The following PLCD4 variants were observed in gnomAD, a reference collection of about 807,000 sequenced individuals.
The protein encoded by PLCD4 is phospholipase C delta 4, also known as 1-phosphatidylinositol 4,5-bisphosphate phosphodiesterase delta-4.
A neutral mutation model predicts 90.2 loss-of-function variants in PLCD4; 63 were observed. That is an observed-to-expected ratio of 0.70 (90% confidence interval 0.57 to 0.86). PLCD4 has a LOEUF of 0.86. Ranked by LOEUF, PLCD4 falls within the 40% of genes least tolerant of loss-of-function variation. The pLI is 0.00. For synonymous variants in PLCD4, 294 were observed against 356.5 expected (o/e 0.82, Z 1.97); for missense variants, 830 against 956.3 (o/e 0.87, Z 1.74).
chr2:218,628,514 T>C (rs1696215181), intron 7 of PLCD4: 2 of 335,218 alleles, frequency 6.0e-6, no homozygotes, highest in Non-Finnish European at 1.1e-5. Flanking sequence ...GATTGTTAAA[T>C]GGAAGGCAAT....
chr2:218,625,212 CAA>C (rs997747957), intron 6 of PLCD4, among the ~76,000 whole-genome samples: 1 of 105,860 alleles, frequency 9.4e-6, no homozygotes, highest in Non-Finnish European at 1.9e-5. Flanking sequence ...GACTCTGTTT[CAA>C]AAAAAAAAAG....
intron 4 of PLCD4, among the ~76,000 whole-genome samples, chr2:218,621,187 C>T (rs1339784134): frequency 2.0e-5 from 3 of 152,218 alleles, no homozygotes; most frequent in South Asian, 2.1e-4. Context: ...CCCACCTTGG[C>T]CTTCCAAAGT....
intron 3 of PLCD4, among the ~76,000 whole-genome samples, chr2:218,618,162 T>C (rs111706374): frequency 1.3e-3 from 199 of 152,340 alleles, no homozygotes; most frequent in African/African-American, 4.6e-3. Flanking sequence ...AATGCTTTAG[T>C]ATAACTGCTT....
At chr2:218,632,006 A>T in intron 9 of PLCD4, 130 bp from the exon 10 acceptor site, 2 of 906,964 alleles carry the variant, frequency 2.2e-6, no homozygotes, top group Non-Finnish European at 3.3e-6. Context: ...TCAAGCAGCT[A>T]ATCTCTTCCC....
chr2:218,634,154 C>T lies in PLCD4; in HGVS notation c.1656C>T (p.Pro552=). ...CTTGGCAGTTAAGCCGTGTGTATCC[C>T]AGCGGCCTGAGGACAGACTCTTCCA... ...HNTWQLSRVY[P]SGLRTDSSNY... The change falls in exon 12 of 16, where the codon CCC becomes CCT. Residue 552 remains proline (P), a synonymous_variant. Transcript: ENST00000450993. This position sits in a 1 kb window ranked among gnomAD's most constrained non-coding sequence, Gnocchi z 4.0. 1 of 1,612,804 alleles carries T rather than the reference C, an allele frequency of 6.2e-7. No homozygotes were observed. Among genetic ancestry groups the T allele is most frequent in the African/African-American group, 1.3e-5 (1 of 75,040 alleles).
At chr2:218,614,484 G>A (rs1175698365) in intron 1 of PLCD4, among the ~76,000 whole-genome samples, 1 of 142,972 alleles carries the variant, frequency 7.0e-6, no homozygotes, top group Non-Finnish European at 1.5e-5. Flanking sequence ...GAGTCTCGCT[G>A]TGTCGCCCAG....
chr2:218,627,929 G>A (rs1209784976), intron 6 of PLCD4, 100 bp from the exon 7 acceptor site: 3 of 1,118,114 alleles, frequency 2.7e-6, no homozygotes, highest in Non-Finnish European at 3.8e-6. Flanking sequence ...CATCTGAAAG[G>A]CAGGGCTCTG....
intron 3 of PLCD4, among the ~76,000 whole-genome samples, chr2:218,616,726 T>TATACATACGTACATAC (rs1695595679): frequency 7.8e-6 from 1 of 128,776 alleles, no homozygotes; most frequent in African/African-American, 2.9e-5. Context: ...AAAATACATA[T>TATACATACGTACATAC]ATACATACAT....
At chr2:218,635,982 T>C in intron 14 of PLCD4, 51 bp downstream of exon 14, 1 of 1,612,276 alleles carries the variant, frequency 6.2e-7, no homozygotes, top group Admixed American at 1.7e-5. Flanking sequence ...TGATTAGTTT[T>C]CCTTCTAGTC....
At chr2:218,616,898 T>TTTTATA (rs1553571887) in intron 3 of PLCD4, among the ~76,000 whole-genome samples, 3 of 6,254 alleles carry the variant, frequency 4.8e-4, no homozygotes, top group African/African-American at 6.6e-4. Context: ...AGCCATTATT[T>TTTTATA]TATATATATA....
At position 218,633,545 on chromosome 2, in the gene PLCD4, ATCT is replaced by A. The variant is rs762244601; in HGVS notation, c.1450-53_1450-51del. ...CAGAGGTTTAGGTTGGATGGCCATT[ATCT>A]TCTTCTCTCTCAGACTGCTGAGGGT... On this transcript the variant is annotated intron_variant, in intron 10 of 15. Coordinates refer to ENST00000450993, the MANE Select transcript of PLCD4 (RefSeq NM_032726.4). The A allele has an allele frequency of 1.0e-3, 1,643 of 1,566,788 alleles. 3 individuals are homozygous for A. Among genetic ancestry groups the A allele is most frequent in the Middle Eastern group, 3.3e-3 (20 of 5,974 alleles).
At chr2:218,608,563 C>T (rs1695189716) in intron 1 of PLCD4, among the ~76,000 whole-genome samples, 2 of 152,148 alleles carry the variant, frequency 1.3e-5, no homozygotes, top group South Asian at 4.2e-4. Context: ...TTTCTTAGTG[C>T]ACCAGAGTGC....
intron 1 of PLCD4, among the ~76,000 whole-genome samples, chr2:218,614,333 A>C (rs1202760271): frequency 6.7e-6 from 1 of 149,874 alleles, no homozygotes. Flanking sequence ...GTATTTTTTT[A>C]GTAGAGACAG....
At chr2:218,624,141 C>T (rs1696003075) in intron 6 of PLCD4, among the ~76,000 whole-genome samples, 2 of 152,216 alleles carry the variant, frequency 1.3e-5, no homozygotes, top group Non-Finnish European at 2.9e-5. Flanking sequence ...GGTCATCTGA[C>T]TCTTAGTTGG....
chr2:218,634,451 C>A lies in PLCD4; in HGVS notation c.1724-7C>A, dbSNP rs1278764909. On this transcript the variant is annotated splice_region_variant and splice_polypyrimidine_tract_variant and intron_variant, in intron 12 of 15. Coordinates refer to ENST00000450993, the MANE Select transcript of PLCD4 (RefSeq NM_032726.4). This position sits in a 1 kb window ranked among gnomAD's most constrained non-coding sequence, Gnocchi z 4.0. The stretch of plus-strand genomic sequence containing the variant: ...ATCTTGCTCTTCTTTTCTCCTGGGG[C>A]CCTCAGTGGCCATGAATATGCAGAC... 1 of 1,608,038 alleles carries A rather than the reference C, an allele frequency of 6.2e-7. No homozygotes were observed. Among genetic ancestry groups the A allele is most frequent in the East Asian group, 2.2e-5 (1 of 44,838 alleles).
At chr2:218,616,898 T>TTTTATATATATATATATA (rs1553571887) in intron 3 of PLCD4, among the ~76,000 whole-genome samples, 4 of 6,254 alleles carry the variant, frequency 6.4e-4, no homozygotes, top group Non-Finnish European at 1.3e-3. Flanking sequence ...AGCCATTATT[T>TTTTATATATATATATATA]TATATATATA....
rs921137575 is a variant in PLCD4, at chr2:218,636,910, T to G, written c.*333T>G. 1 of 467,682 alleles carries G rather than the reference T, an allele frequency of 2.1e-6. No homozygotes were observed. The highest frequency in any genetic ancestry group is 4.3e-6 in the Non-Finnish European group (1 of 234,984). 29.0% of individuals were successfully genotyped at this position (467,682 alleles called of 1,614,324 possible). A position where few individuals can be genotyped will look rare whatever the true frequency, so the allele number is the denominator to read the frequency against. ...ACTAATCTTTCCCATCAACTCTGTG[T>G]GAAGGCAGGTTGCAACTAGAAATTC... On this transcript the variant is annotated 3_prime_UTR_variant, in exon 16 of 16. Transcript: ENST00000450993.
intron 10 of PLCD4, among the ~76,000 whole-genome samples, chr2:218,632,532 CT>C (rs3832107): frequency 6.6e-6 from 1 of 151,476 alleles, no homozygotes; most frequent in Non-Finnish European, 1.5e-5. Context: ...TGGGCCACAT[CT>C]TTTTTTTTAA....
chr2:218,625,895 C>T (rs1371588655), intron 6 of PLCD4, among the ~76,000 whole-genome samples: 1 of 152,098 alleles, frequency 6.6e-6, no homozygotes, highest in African/African-American at 2.4e-5. Flanking sequence ...AATCGAACCA[C>T]AGCACTCCAA....
Sources: gnomAD v4.1 joint callset for allele counts (sites outside exome capture counted in the v4.1 genomes callset) on GRCh38, gnomAD v4.1.1 for gene constraint, Gnocchi (gnomAD v3.1) non-coding constraint, MANE v1.5 for transcripts, NCBI Gene and HGNC (gene_info 2026-07-23, HGNC 2026-07-21) for gene names.